TRIM38: variants seen among roughly 807,000 people sequenced by gnomAD.
TRIM38 encodes tripartite motif containing 38.
Under a neutral mutation model 35.8 loss-of-function variants are expected in TRIM38, and 35 were observed. The observed-to-expected ratio is 0.98, with a 90% confidence interval of 0.75 to 1.30. The LOEUF is 1.30. Ranked by LOEUF, TRIM38 falls within the 50% of genes most tolerant of loss-of-function variation. The pLI is 0.00. For missense variants in TRIM38, 545 were observed against 556.9 expected, an observed-to-expected ratio of 0.98 and a Z score of 0.21; for synonymous variants, 198 against 204.7, an observed-to-expected ratio of 0.97 and a Z score of 0.28.
chr6:25,982,274 A>ACAGCTCCC, intron 7 of TRIM38, among the ~76,000 whole-genome samples: 1 of 152,316 alleles, frequency 6.6e-6, no homozygotes, highest in East Asian at 1.9e-4. Flanking sequence ...GCAGCAGAGT[A>ACAGCTCCC]TATTCTACAT....
chr6:25,973,335 G>C, intron 7 of TRIM38, 50 bp downstream of exon 7: 1 of 1,588,556 alleles, frequency 6.3e-7, no homozygotes, highest in African/African-American at 1.3e-5. Context: ...GGGGCCTTAT[G>C]CAGTAACCAA....
Position 25,974,789 on chromosome 6 carries a change from G to A in TRIM38, c.874+1504G>A, listed in dbSNP as rs947702187. ...CTTCTAAACTAATTTGAATGGCAAA[G>A]CCCATTTTGTTCCAGGGATTTCAGA... On this transcript the variant is annotated intron_variant, in intron 7 of 7. Transcript: ENST00000357085. 4.2e-6 allele frequency: 3 copies of A among 717,230 alleles called. No homozygotes were observed. The Admixed American group carries it at 1.9e-4, about 45-fold the overall frequency. The allele number at this position is 717,230 out of a possible 1,614,324, so 44.4% of individuals were successfully genotyped here. A position where few individuals can be genotyped will look rare whatever the true frequency, so the allele number is the denominator to read the frequency against.
At chr6:25,977,166 C>A (rs1760419655) in intron 7 of TRIM38, among the ~76,000 whole-genome samples, 1 of 152,146 alleles carries the variant, frequency 6.6e-6, no homozygotes, top group Admixed American at 6.5e-5. Flanking sequence ...CCTTCAAGGT[C>A]TGTGTCTTTT....
In TRIM38 at chr6:25,989,765, C is replaced by A. The variant is rs979259069; in HGVS notation, c.*6078C>A. ...AAAATCTTCATAACTGAAATAATTT[C>A]TCTTTATCACCTCTTCTTATAAATA... On this transcript the variant is annotated 3_prime_UTR_variant, in exon 8 of 8. Coordinates refer to ENST00000357085, the MANE Select transcript of TRIM38 (RefSeq NM_006355.5). 6.6e-6 allele frequency: 1 copy of A among 151,894 alleles called. No homozygotes were observed. Among genetic ancestry groups the A allele is most frequent in the African/African-American group, 2.4e-5 (1 of 41,408 alleles). The allele number at this position is 151,894 out of a possible 1,614,324, so 9.4% of individuals were successfully genotyped here. A position where few individuals can be genotyped will look rare whatever the true frequency, so the allele number is the denominator to read the frequency against.
intron 7 of TRIM38, among the ~76,000 whole-genome samples, chr6:25,974,623 C>CTTATT (rs1760337362): frequency 6.6e-6 from 1 of 152,162 alleles, no homozygotes; most frequent in Non-Finnish European, 1.5e-5. Context: ...TGAGATGAGA[C>CTTATT]TATTTAAAAG....
rs1373536291 is a variant in TRIM38, at chr6:25,989,797, TC to T, written c.*6111del. ...TCACCTCTTCTTATAAATATGGTTT[TC>T]TTTTTTTAAATAAAAATTTAAGACA... is the stretch of plus-strand genomic sequence containing the variant. On this transcript the variant is annotated 3_prime_UTR_variant, in exon 8 of 8. Coordinates refer to ENST00000357085, the MANE Select transcript of TRIM38 (RefSeq NM_006355.5). 1.3e-5 allele frequency: 2 copies of T among 152,100 alleles called. No homozygotes were observed. The highest frequency in any genetic ancestry group is 3.8e-4 in the East Asian group (2 of 5,198). The allele number at this position is 152,100 out of a possible 1,614,324, so 9.4% of individuals were successfully genotyped here.
chr6:25,973,807 AC>A (rs1291428113), intron 7 of TRIM38: 3 of 985,362 alleles, frequency 3.0e-6, no homozygotes, highest in African/African-American at 1.7e-5. Flanking sequence ...GACAAATGTT[AC>A]AACCAATTTA....
Position 25,989,664 on chromosome 6 carries a change from C to T in TRIM38, c.*5977C>T, listed in dbSNP as rs954494051. On this transcript the variant is annotated 3_prime_UTR_variant, in exon 8 of 8. Coordinates refer to ENST00000357085, the MANE Select transcript of TRIM38 (RefSeq NM_006355.5). ...TCACCACGCTCAGCCATCTGGTATT[C>T]TTTAGCAACTGTTTGGTAACTTAAT... 2 of 151,636 alleles carry T rather than the reference C, an allele frequency of 1.3e-5. No individual in the cohort carries two copies. Among genetic ancestry groups the T allele is most frequent in the African/African-American group, 2.4e-5 (1 of 41,294 alleles). The allele number at this position is 151,636 out of a possible 1,614,324, so 9.4% of individuals were successfully genotyped here.
chr6:25,971,726 T>C, intron 4 of TRIM38, 143 bp from the exon 5 acceptor site: 1 of 690,774 alleles, frequency 1.4e-6, no homozygotes, highest in Non-Finnish European at 2.4e-6. Flanking sequence ...ATTTGCCCTT[T>C]TGTTTCTGGC....
intron 7 of TRIM38, among the ~76,000 whole-genome samples, chr6:25,974,477 T>C (rs1016143056): frequency 3.9e-5 from 6 of 152,200 alleles, no homozygotes; most frequent in Non-Finnish European, 8.8e-5. Context: ...CCATATCCTA[T>C]TGGTCAGAAG....
chr6:25,968,690 A>G (rs1760135239), intron 3 of TRIM38, among the ~76,000 whole-genome samples: 1 of 152,240 alleles, frequency 6.6e-6, no homozygotes, highest in Non-Finnish European at 1.5e-5. Flanking sequence ...ATCACTTTCA[A>G]TAGAAATATG....
intron 2 of TRIM38, among the ~76,000 whole-genome samples, chr6:25,965,194 G>A (rs1295072134): frequency 6.6e-6 from 1 of 152,174 alleles, no homozygotes; most frequent in Non-Finnish European, 1.5e-5. Flanking sequence ...CTTTTGTGAG[G>A]AAGCCTGCAT....
chr6:25,963,361 G>A (rs1759907949), intron 2 of TRIM38, 79 bp downstream of exon 2: 1 of 128,926 alleles, frequency 7.8e-6, no homozygotes, highest in Non-Finnish European at 1.6e-5. Flanking sequence ...TCCTAGAGGA[G>A]CTCCCAGGAG....
rs534672695 is a variant in TRIM38, at chr6:25,987,482, C to T, written c.*3795C>T. The T allele has an allele frequency of 5.3e-5, 8 of 152,230 alleles. No individual in the cohort carries two copies. The South Asian group carries it at 1.7e-3, about 32-fold the overall frequency. The allele number at this position is 152,230 out of a possible 1,614,324, so 9.4% of individuals were successfully genotyped here. ...TCCCATCATGCCCATCATGAAGACTCGATCTGCTAGGATCTCAACTAAACC... is the reference window on the plus strand; with the variant it reads ...TCCCATCATGCCCATCATGAAGACTTGATCTGCTAGGATCTCAACTAAACC... On this transcript the variant is annotated 3_prime_UTR_variant, in exon 8 of 8. Transcript: ENST00000357085.
In TRIM38 at chr6:25,971,908, T is replaced by C; in HGVS notation, c.547T>C (p.Phe183Leu). Reference sequence around the variant, plus strand: ...TCAGAGACAAAAAATCCGGTCTGACTTTAAGAATCTCCAGTGTTTCCTACA... The same window carrying C: ...TCAGAGACAAAAAATCCGGTCTGACCTTAAGAATCTCCAGTGTTTCCTACA... ...QIQRQKIRSD[F>L]KNLQCFLHEE... Residue 183 changes from phenylalanine to leucine, a missense_variant, in exon 5 of 8, where the codon TTT (phenylalanine) becomes CTT (leucine). Coordinates refer to ENST00000357085, the MANE Select transcript of TRIM38 (RefSeq NM_006355.5). 1 of 1,614,198 alleles carries C rather than the reference T, an allele frequency of 6.2e-7. No homozygotes were observed. The highest frequency in any genetic ancestry group is 8.5e-7 in the Non-Finnish European group (1 of 1,180,008).
At chr6:25,970,605 G>T (rs955431328) in intron 4 of TRIM38, among the ~76,000 whole-genome samples, 1 of 152,014 alleles carries the variant, frequency 6.6e-6, no homozygotes, top group Non-Finnish European at 1.5e-5. Flanking sequence ...GACCTTGATT[G>T]TAACTAACAT....
In TRIM38 at chr6:25,966,490, T is replaced by C. The variant is rs767349586; in HGVS notation, c.-33T>C. 1.3e-6 allele frequency: 2 copies of C among 1,553,904 alleles called. No homozygotes were observed. The highest frequency in any genetic ancestry group is 2.4e-5 in the South Asian group (2 of 81,858). Reference sequence around the variant, plus strand: ...ATTCTGGCTGCTTCATCTCCATCTCTAGAGCCAATATTGGAGCTTTTCAAT... The same window carrying C: ...ATTCTGGCTGCTTCATCTCCATCTCCAGAGCCAATATTGGAGCTTTTCAAT... On this transcript the variant is annotated 5_prime_UTR_variant, in exon 3 of 8. Coordinates refer to ENST00000357085, the MANE Select transcript of TRIM38 (RefSeq NM_006355.5).
rs1760789815 is a variant in TRIM38, at chr6:25,989,281, C to T, written c.*5594C>T. On this transcript the variant is annotated 3_prime_UTR_variant, in exon 8 of 8. Transcript: ENST00000357085. The stretch of plus-strand genomic sequence containing the variant: ...GAGTTTTAAGTATTCTTTGTATATT[C>T]TAAAAATATTGTTCTTCATCAGATC... The T allele has an allele frequency of 6.6e-6, 1 of 152,090 alleles. No homozygotes were observed. Among genetic ancestry groups the T allele is most frequent in the South Asian group, 2.1e-4 (1 of 4,826 alleles). The allele number at this position is 152,090 out of a possible 1,614,324, so 9.4% of individuals were successfully genotyped here. A position where few individuals can be genotyped will look rare whatever the true frequency, so the allele number is the denominator to read the frequency against.
In TRIM38 at chr6:25,983,990, G is replaced by T; in HGVS notation, c.*303G>T. 4.0e-6 allele frequency: 1 copy of T among 247,518 alleles called. No individual in the cohort carries two copies. The highest frequency in any genetic ancestry group is 7.7e-6 in the Non-Finnish European group (1 of 129,218). 15.3% of individuals were successfully genotyped at this position (247,518 alleles called of 1,614,324 possible). A position where few individuals can be genotyped will look rare whatever the true frequency, so the allele number is the denominator to read the frequency against. ...CAAGGGTCTTCAGGTGATGAGTAGG[G>T]GTACCCACAAGTCAGAAGGTCTGCG... On this transcript the variant is annotated 3_prime_UTR_variant, in exon 8 of 8. Transcript: ENST00000357085.
Sources: gnomAD v4.1 joint callset for allele counts (sites outside exome capture counted in the v4.1 genomes callset) on GRCh38, gnomAD v4.1.1 for gene constraint, MANE v1.5 for transcripts, NCBI Gene and HGNC (gene_info 2026-07-23, HGNC 2026-07-21) for gene names.